OPHN1: variants seen among roughly 807,000 people sequenced by gnomAD.
OPHN1 encodes oligophrenin 1.
OPHN1 carries 11 observed loss-of-function variants against 60.7 expected under a neutral mutation model. That is an observed-to-expected ratio of 0.18 (90% CI 0.11 to 0.30). The LOEUF (loss-of-function observed/expected upper bound fraction) is 0.30, where lower values mean the gene tolerates loss of function less well. Ranked by LOEUF, OPHN1 falls within the 10% of genes least tolerant of loss-of-function variation. The pLI, the probability that OPHN1 is intolerant of heterozygous loss-of-function variation, is 1.00. For synonymous variants in OPHN1, 226 were observed against 222.6 expected (o/e 1.02, Z -0.14); for missense variants, 449 against 611.0 (o/e 0.73, Z 2.80).
intron 5 of OPHN1, among the ~76,000 whole-genome samples, chrX:68,258,868 C>A (rs1363466164): frequency 1.8e-5 from 2 of 111,809 alleles, no homozygotes; most frequent in Non-Finnish European, 3.8e-5. Context: ...TACACACTTG[C>A]TGAATCAAAT....
chrX:68,311,429 T>C (rs1219183158), intron 2 of OPHN1, among the ~76,000 whole-genome samples: 1 of 111,716 alleles, frequency 9.0e-6, no homozygotes, highest in Admixed American at 9.5e-5. Context: ...CAAAGGTATG[T>C]CTTTGTTTGT....
chrX:68,058,249 C>T (rs916675539), intron 21 of OPHN1, among the ~76,000 whole-genome samples: 24 of 99,192 alleles, frequency 2.4e-4, no homozygotes, highest in Admixed American at 2.2e-3. Flanking sequence ...TGTGCCCAAC[C>T]CTACACTCTA....
chrX:68,296,203 C>A (rs1569271950), intron 3 of OPHN1, among the ~76,000 whole-genome samples: 1 of 111,930 alleles, frequency 8.9e-6, no homozygotes, highest in African/African-American at 3.2e-5. Flanking sequence ...ATGACCATGA[C>A]AGGCCAATGA....
At chrX:68,059,724 A>G (rs2076886233) in intron 21 of OPHN1, among the ~76,000 whole-genome samples, 1 of 111,683 alleles carries the variant, frequency 9.0e-6, no homozygotes, top group Non-Finnish European at 1.9e-5. Context: ...TACAAGCCCA[A>G]AAGCATGCCA....
intron 2 of OPHN1, among the ~76,000 whole-genome samples, chrX:68,309,090 T>C (rs1364712018): frequency 9.0e-6 from 1 of 111,341 alleles, no homozygotes; most frequent in Admixed American, 9.6e-5. Context: ...CCCAGCCTGG[T>C]TCTTGCATTT....
intron 2 of OPHN1, among the ~76,000 whole-genome samples, chrX:68,365,372 G>A (rs970881852): frequency 9.0e-6 from 1 of 111,200 alleles, no homozygotes; most frequent in South Asian, 3.8e-4. Flanking sequence ...TATTGAAGAA[G>A]CTGGAACAAG....
intron 2 of OPHN1, among the ~76,000 whole-genome samples, chrX:68,321,585 CACTT>C (rs2078235598): frequency 1.8e-5 from 2 of 111,794 alleles, no homozygotes; most frequent in Non-Finnish European, 3.8e-5. Flanking sequence ...CGTATGTTCT[CACTT>C]ACAAGTGGGA....
At position 68,169,907 on chromosome X, in the gene OPHN1, C is replaced by T. The variant is rs1464831135; in HGVS notation, c.1276+23012G>A. 2.4e-3 allele frequency among the ~76,000 whole-genome samples: 255 copies of T among 107,918 alleles called. 1 individual carries two copies. The highest frequency in any genetic ancestry group is 8.3e-3 in the African/African-American group (241 of 28,945). The allele number at this position is 107,918 out of a possible 115,157, so 93.7% of individuals were successfully genotyped here. ...ATGTCTAAAACACCAAAAGCAATGG[C>T]AACAAAAGACAAAATTGACAAATGG... On this transcript the variant is annotated intron_variant, in intron 15 of 24. Transcript: ENST00000355520.
chrX:68,430,088 G>T (rs142741107), intron 2 of OPHN1, among the ~76,000 whole-genome samples: 1 of 111,589 alleles, frequency 9.0e-6, no homozygotes, highest in East Asian at 2.8e-4. Context: ...AGATGGAGAA[G>T]CCAAGAACAT....
Position 68,184,479 on chromosome X carries a change from G to A in OPHN1, c.1276+8440C>T, listed in dbSNP as rs371238236. Among the ~76,000 whole-genome samples, 237 of 105,675 alleles carry A rather than the reference G, an allele frequency of 2.2e-3. 1 individual carries two copies. Among genetic ancestry groups the A allele is most frequent in the African/African-American group, 7.6e-3 (221 of 28,992 alleles). The allele number at this position is 105,675 out of a possible 115,157, so 91.8% of individuals were successfully genotyped here. A position where few individuals can be genotyped will look rare whatever the true frequency, so the allele number is the denominator to read the frequency against. ...GGAGGCTGTGGTGAGCTGAGATCAC[G>A]TCACTGCACTCCGGCCTGGGTGACA... On this transcript the variant is annotated intron_variant, in intron 15 of 24. Transcript: ENST00000355520.
intron 2 of OPHN1, among the ~76,000 whole-genome samples, chrX:68,327,804 A>AAT (rs2078272248): frequency 1.4e-5 from 1 of 73,107 alleles, no homozygotes; most frequent in East Asian, 3.4e-4. Flanking sequence ...AAATAAAAAA[A>AAT]AAAAAAAAAA....
intron 5 of OPHN1, among the ~76,000 whole-genome samples, chrX:68,260,356 T>C (rs1203612805): frequency 9.0e-6 from 1 of 110,955 alleles, no homozygotes; most frequent in Admixed American, 9.7e-5. Context: ...TTTGTTCTCA[T>C]TGCTATAGAA....
At chrX:68,361,424 G>A (rs1398085300) in intron 2 of OPHN1, among the ~76,000 whole-genome samples, 1 of 107,411 alleles carries the variant, frequency 9.3e-6, no homozygotes, top group Non-Finnish European at 1.9e-5. Flanking sequence ...AGGTTGCAGT[G>A]AGCTGAGATT....
chrX:68,096,787 G>T, intron 19 of OPHN1, 83 bp downstream of exon 19: 1 of 982,437 alleles, frequency 1.0e-6, no homozygotes, highest in Non-Finnish European at 1.5e-6. Context: ...CGTGAGCCAA[G>T]GAGGAAGACA....
At chrX:68,140,748 T>C (rs2077239098) in intron 15 of OPHN1, among the ~76,000 whole-genome samples, 1 of 108,467 alleles carries the variant, frequency 9.2e-6, no homozygotes, top group African/African-American at 3.4e-5. Flanking sequence ...CCATAAAAAC[T>C]AGATCAGCTG....
At chrX:68,181,778 A>C in intron 15 of OPHN1, among the ~76,000 whole-genome samples, 1 of 112,016 alleles carries the variant, frequency 8.9e-6, no homozygotes, top group Non-Finnish European at 1.9e-5. Context: ...CAGTGAGCTA[A>C]GATTGCGCCA....
At chrX:68,223,302 TG>T (rs758836936) in intron 6 of OPHN1, among the ~76,000 whole-genome samples, 6 of 112,305 alleles carry the variant, frequency 5.3e-5, no homozygotes, top group Non-Finnish European at 1.1e-4. Context: ...GCCCATCAAC[TG>T]ATTAGTGGAT....
chrX:68,291,423 A>G (rs1386672525), intron 3 of OPHN1, among the ~76,000 whole-genome samples: 1 of 111,915 alleles, frequency 8.9e-6, no homozygotes, highest in Non-Finnish European at 1.9e-5. Flanking sequence ...GTCAGTCTCC[A>G]GATCAGTCAG....
chrX:68,335,785 T>G (rs1227927577), intron 2 of OPHN1, among the ~76,000 whole-genome samples: 1 of 110,863 alleles, frequency 9.0e-6, no homozygotes, highest in Non-Finnish European at 1.9e-5. Context: ...AAAAATTAGC[T>G]GGGCACGGGT....
Sources: gnomAD v4.1 joint callset for allele counts (sites outside exome capture counted in the v4.1 genomes callset) on GRCh38, gnomAD v4.1.1 for gene constraint, MANE v1.5 for transcripts, NCBI Gene and HGNC (gene_info 2026-07-23, HGNC 2026-07-21) for gene names.